Variants in P4HA1 observed in about 807,000 individuals in gnomAD.
P4HA1 encodes prolyl 4-hydroxylase subunit alpha 1, also known as prolyl 4-hydroxylase subunit alpha-1.
P4HA1 carries 24 observed loss-of-function variants against 72.8 expected under a neutral mutation model. The ratio of observed to expected loss-of-function variants is 0.33; its 90% CI spans 0.24 to 0.46. The LOEUF is 0.46. P4HA1 is among the 20% of genes least tolerant of loss of function. The pLI, the probability that P4HA1 is intolerant of heterozygous loss-of-function variation, is 1.00. For missense variants in P4HA1, 446 were observed against 640.6 expected (o/e 0.70, Z 3.28); for synonymous variants, 201 against 218.8 (o/e 0.92, Z 0.72).
At chr10:73,049,451 C>T (rs1174218304) in intron 7 of P4HA1, among the ~76,000 whole-genome samples, 1 of 152,188 alleles carries the variant, frequency 6.6e-6, no homozygotes, top group Non-Finnish European at 1.5e-5. Context: ...TCAAAAGGTT[C>T]CATAATCAAT....
intron 1 of P4HA1, among the ~76,000 whole-genome samples, chr10:73,090,959 G>T (rs1009612121): frequency 6.6e-6 from 1 of 151,190 alleles, no homozygotes; most frequent in Admixed American, 6.6e-5. Flanking sequence ...CTACTCGGGA[G>T]GCTGAGGCAG....
At chr10:73,046,553 A>T (rs1248950591) in intron 8 of P4HA1, among the ~76,000 whole-genome samples, 1 of 152,204 alleles carries the variant, frequency 6.6e-6, no homozygotes, top group African/African-American at 2.4e-5. Context: ...CTTCCACGGT[A>T]TTCTTTCAGT....
chr10:73,066,314 A>T (rs1033192818), intron 5 of P4HA1, among the ~76,000 whole-genome samples: 11 of 152,206 alleles, frequency 7.2e-5, no homozygotes, highest in Admixed American at 3.9e-4. Flanking sequence ...AAAGAGGAAA[A>T]AAGTCAACAA....
intron 5 of P4HA1, among the ~76,000 whole-genome samples, chr10:73,060,651 C>T (rs1442282717): frequency 1.3e-5 from 2 of 151,942 alleles, no homozygotes; most frequent in African/African-American, 4.8e-5. Flanking sequence ...GGAATAGAAA[C>T]CTGGAAAAAA....
intron 10 of P4HA1, among the ~76,000 whole-genome samples, chr10:73,019,509 T>TAA (rs1219289537): frequency 6.6e-6 from 1 of 151,936 alleles, no homozygotes; most frequent in Non-Finnish European, 1.5e-5. Flanking sequence ...TACAGATAGA[T>TAA]AATTCAATGA....
intron 9 of P4HA1, among the ~76,000 whole-genome samples, chr10:73,041,894 G>A (rs1393828968): frequency 1.3e-5 from 2 of 151,484 alleles, no homozygotes; most frequent in Non-Finnish European, 2.9e-5. Context: ...GAGTGCAGTG[G>A]CATGCTCATG....
intron 5 of P4HA1, among the ~76,000 whole-genome samples, chr10:73,057,887 C>T (rs929376684): frequency 2.0e-5 from 3 of 151,444 alleles, no homozygotes; most frequent in Non-Finnish European, 2.9e-5. Flanking sequence ...CTCAGGAGAT[C>T]GAGACCAGCC....
At chr10:73,048,724 A>G (rs1367326975) in intron 7 of P4HA1, among the ~76,000 whole-genome samples, 5 of 152,204 alleles carry the variant, frequency 3.3e-5, no homozygotes, top group African/African-American at 9.7e-5. Flanking sequence ...TGAACACTAG[A>G]TATTTGATAT....
Position 73,028,307 on chromosome 10 carries a change from A to AACACACAC in P4HA1, c.1248+1956_1248+1963dup, listed in dbSNP as rs10561551. Among the ~76,000 whole-genome samples, 848 of 143,742 alleles carry AACACACAC rather than the reference A, an allele frequency of 5.9e-3. 6 individuals are homozygous for AACACACAC. The highest frequency in any genetic ancestry group is 0.019 in the African/African-American group (744 of 39,190). The allele number at this position is 143,742 out of a possible 152,430, so 94.3% of individuals were successfully genotyped here. ...ATGGCATCAAACCGTGTCACTGTAA[A>AACACACAC]ACACACACACACACACACACACACA... On this transcript the variant is annotated intron_variant, in intron 10 of 14. Transcript: ENST00000394890.
At chr10:73,059,159 T>C (rs576995551) in intron 5 of P4HA1, among the ~76,000 whole-genome samples, 1 of 151,920 alleles carries the variant, frequency 6.6e-6, no homozygotes, top group African/African-American at 2.4e-5. Flanking sequence ...CTGGAAATAG[T>C]AAAACTAACA....
At chr10:73,068,651 T>C (rs1282793764) in intron 5 of P4HA1, among the ~76,000 whole-genome samples, 195 bp downstream of exon 5, 1 of 152,166 alleles carries the variant, frequency 6.6e-6, no homozygotes, top group Non-Finnish European at 1.5e-5. Flanking sequence ...AGTAACAAGC[T>C]AGAAGCTAGA....
At chr10:73,073,885 A>T (rs778064235) in intron 2 of P4HA1, 58 bp from the exon 3 acceptor site, 5 of 821,256 alleles carry the variant, frequency 6.1e-6, no homozygotes, top group Admixed American at 3.5e-5. Context: ...TATGTTAAGA[A>T]TAAGAATGAT....
At chr10:73,050,662 T>TG (rs1840997185) in intron 7 of P4HA1, among the ~76,000 whole-genome samples, 1 of 150,046 alleles carries the variant, frequency 6.7e-6, no homozygotes, top group Admixed American at 6.7e-5. Flanking sequence ...ATCATGCCAC[T>TG]GCACTCTAGC....
chr10:73,048,978 C>CA (rs1840943231), intron 7 of P4HA1, among the ~76,000 whole-genome samples: 1 of 152,056 alleles, frequency 6.6e-6, no homozygotes. Context: ...ACTAAAAATA[C>CA]AAAAAATTAG....
At chr10:73,034,744 T>C (rs773897706) in intron 9 of P4HA1, among the ~76,000 whole-genome samples, 1 of 151,432 alleles carries the variant, frequency 6.6e-6, no homozygotes, top group Non-Finnish European at 1.5e-5. Context: ...TGCACCACCA[T>C]AGTTTTTTGT....
chr10:73,037,548 TATATATATATA>T (rs1840612289), intron 9 of P4HA1, among the ~76,000 whole-genome samples: 3 of 28,838 alleles, frequency 1.0e-4, no homozygotes, highest in African/African-American at 4.2e-4. Flanking sequence ...TATATATATA[TATATATATATA>T]TATATATATA....
chr10:73,093,860 A>AT (rs1564640858), intron 1 of P4HA1, among the ~76,000 whole-genome samples: 6 of 69,056 alleles, frequency 8.7e-5, no homozygotes, highest in African/African-American at 4.6e-4. Flanking sequence ...AAAAAAAAAA[A>AT]AAAAAAAAAA....
At chr10:73,021,092 A>T (rs1221291916) in intron 10 of P4HA1, among the ~76,000 whole-genome samples, 1 of 152,102 alleles carries the variant, frequency 6.6e-6, no homozygotes, top group Non-Finnish European at 1.5e-5. Flanking sequence ...CCAAGATCAC[A>T]CCACTGCACT....
At chr10:73,058,367 T>C (rs1292566480) in intron 5 of P4HA1, among the ~76,000 whole-genome samples, 1 of 152,176 alleles carries the variant, frequency 6.6e-6, no homozygotes, top group East Asian at 1.9e-4. Context: ...GTCCTTAGTG[T>C]AGGAACATGT....
Sources: gnomAD v4.1 joint callset for allele counts (sites outside exome capture counted in the v4.1 genomes callset) on GRCh38, gnomAD v4.1.1 for gene constraint, MANE v1.5 for transcripts, NCBI Gene and HGNC (gene_info 2026-07-23, HGNC 2026-07-21) for gene names.